MAPK14: variants seen among roughly 807,000 people sequenced by gnomAD.
MAPK14 encodes CSAID-binding protein.
A neutral mutation model predicts 49.6 loss-of-function variants in MAPK14; 16 were observed. The observed-to-expected ratio is 0.32, with a 90% confidence interval of 0.22 to 0.49. The LOEUF (loss-of-function observed/expected upper bound fraction) is 0.49. MAPK14 is among the 20% of genes least tolerant of loss of function. MAPK14 has a pLI of 0.99. For missense variants in MAPK14, 200 were observed against 441.2 expected, an observed-to-expected ratio of 0.45 and a Z score of 4.90; for synonymous variants, 142 against 158.0, an observed-to-expected ratio of 0.90 and a Z score of 0.76.
chr6:36,078,576 T>C (rs1764622407), intron 8 of MAPK14, among the ~76,000 whole-genome samples: 1 of 152,250 alleles, frequency 6.6e-6, no homozygotes, highest in South Asian at 2.1e-4. Context: ...CCTTTGTGCT[T>C]AGGTCTTTTT....
intron 3 of MAPK14, among the ~76,000 whole-genome samples, chr6:36,064,227 C>G (rs1184952810): frequency 6.6e-6 from 1 of 151,554 alleles, no homozygotes; most frequent in South Asian, 2.1e-4. Context: ...ATCCCCCAAC[C>G]TTGGCCTCCC....
At chr6:36,073,084 A>C (rs1764373384) in intron 4 of MAPK14, 100 bp downstream of exon 4, 1 of 752,278 alleles carries the variant, frequency 1.3e-6, no homozygotes, top group Non-Finnish European at 2.3e-6. Flanking sequence ...CTAATGGAAA[A>C]TTCAAACACA....
At chr6:36,084,780 A>G (rs1203043282) in intron 8 of MAPK14, among the ~76,000 whole-genome samples, 2 of 152,206 alleles carry the variant, frequency 1.3e-5, no homozygotes, top group African/African-American at 4.8e-5. Context: ...GAACTTCCCC[A>G]ACCTAGCAAG....
chr6:36,123,480 C>T, the MAPK14 span, among the ~76,000 whole-genome samples: 8 of 152,296 alleles, frequency 5.3e-5, no homozygotes, highest in South Asian at 1.7e-3. Flanking sequence ...GTAGGCTAGC[C>T]AAGCATATTC....
chr6:36,103,267 G>T (rs918428441), intron 10 of MAPK14, among the ~76,000 whole-genome samples: 4 of 152,130 alleles, frequency 2.6e-5, no homozygotes, highest in Non-Finnish European at 4.4e-5. Context: ...GGGAAGTGAT[G>T]GTGGCAGCTG....
At chr6:36,076,653 C>G (rs1764543301) in intron 8 of MAPK14, 45 bp downstream of exon 8, 1 of 1,438,618 alleles carries the variant, frequency 7.0e-7, no homozygotes, top group Admixed American at 1.7e-5. Context: ...ATCTGTATTC[C>G]AGTGTCCATG....
At chr6:36,049,880 G>T (rs1292887106) in intron 1 of MAPK14, among the ~76,000 whole-genome samples, 1 of 152,290 alleles carries the variant, frequency 6.6e-6, no homozygotes, top group Non-Finnish European at 1.5e-5. Context: ...AAGAGGGAAG[G>T]TGGAGACGAT....
intron 9 of MAPK14, among the ~76,000 whole-genome samples, chr6:36,101,043 C>T (rs367549156): frequency 6.6e-6 from 1 of 152,186 alleles, no homozygotes; most frequent in Non-Finnish European, 1.5e-5. Context: ...AAAGGGATTA[C>T]AGCCATTTAT....
intron 9 of MAPK14, among the ~76,000 whole-genome samples, chr6:36,100,427 G>A (rs777038640): frequency 6.6e-6 from 1 of 152,222 alleles, no homozygotes; most frequent in African/African-American, 2.4e-5. Flanking sequence ...GGGATAAAAT[G>A]TCATCCAGTC....
chr6:36,039,511 A>G (rs1762876319), intron 1 of MAPK14, among the ~76,000 whole-genome samples: 3 of 151,980 alleles, frequency 2.0e-5, no homozygotes, highest in African/African-American at 4.8e-5. Context: ...CTGTCATTCT[A>G]CTCAAAAGTG....
At chr6:36,049,766 G>T (rs372425359) in intron 1 of MAPK14, among the ~76,000 whole-genome samples, 128 of 152,346 alleles carry the variant, frequency 8.4e-4, no homozygotes, top group African/African-American at 2.9e-3. Flanking sequence ...CAAGAGAGAA[G>T]AGGAATGAAG....
At chr6:36,098,213 A>G (rs1765513140) in intron 9 of MAPK14, among the ~76,000 whole-genome samples, 1 of 152,232 alleles carries the variant, frequency 6.6e-6, no homozygotes, top group Non-Finnish European at 1.5e-5. Flanking sequence ...TTATGAAGAA[A>G]TTGAATGCCG....
In MAPK14 at chr6:36,074,072, T is replaced by A. The variant is rs1230840683; in HGVS notation, c.471T>A (p.Ala157=). The stretch of plus-strand genomic sequence containing the variant: ...AGGACCTAAAACCTAGTAATCTAGC[T>A]GTGAATGAAGACTGTGAGCTGAAGG... The part of the protein sequence containing the change: ...IHRDLKPSNL[A]VNEDCELKIL... The change falls in exon 6 of 12, where the codon GCT becomes GCA. Residue 157 remains alanine (A), a synonymous_variant. Coordinates refer to ENST00000229794, the MANE Select transcript of MAPK14 (RefSeq NM_139012.3). 6.2e-7 allele frequency: 1 copy of A among 1,613,214 alleles called. No individual in the cohort carries two copies. The highest frequency in any genetic ancestry group is 8.5e-7 in the Non-Finnish European group (1 of 1,179,260).
At chr6:36,093,298 C>T (rs996798520) in intron 8 of MAPK14, among the ~76,000 whole-genome samples, 1 of 152,096 alleles carries the variant, frequency 6.6e-6, no homozygotes, top group East Asian at 1.9e-4. Context: ...GAGGGTTTCT[C>T]AGCTCATTGA....
intron 1 of MAPK14, among the ~76,000 whole-genome samples, chr6:36,044,948 C>A (rs1763113868): frequency 1.3e-5 from 2 of 152,172 alleles, no homozygotes; most frequent in South Asian, 4.1e-4. Flanking sequence ...GCCTAGGGAA[C>A]ATAGTGGGAC....
chr6:36,035,611 T>G (rs1479545674), intron 1 of MAPK14, among the ~76,000 whole-genome samples: 7 of 152,244 alleles, frequency 4.6e-5, no homozygotes, highest in Admixed American at 3.3e-4. Context: ...AAGCTAGGCT[T>G]CTTGTACCAA....
At chr6:36,030,176 C>A (rs565261763) in intron 1 of MAPK14, among the ~76,000 whole-genome samples, 65 of 152,148 alleles carry the variant, frequency 4.3e-4, no homozygotes, top group Admixed American at 9.2e-4. Context: ...AATTGAATTG[C>A]TTGCAAGGGT....
intron 8 of MAPK14, among the ~76,000 whole-genome samples, chr6:36,095,435 A>G (rs1280915335): frequency 6.6e-6 from 1 of 152,202 alleles, no homozygotes; most frequent in Non-Finnish European, 1.5e-5. Flanking sequence ...GGTGTGCTCC[A>G]GTGGTCAGGC....
intron 9 of MAPK14, chr6:36,100,080 A>G: frequency 1.4e-6 from 1 of 739,288 alleles, no homozygotes; most frequent in Non-Finnish European, 2.5e-6. Flanking sequence ...AATGGAGGGT[A>G]GGTTTTTTTG....
Sources: allele counts gnomAD v4.1 joint callset (sites outside exome capture counted in the v4.1 genomes callset), GRCh38; gene constraint gnomAD v4.1.1; transcripts MANE v1.5; gene names NCBI Gene and HGNC (gene_info 2026-07-23, HGNC 2026-07-21).